Variants in GRIK2 observed in about 807,000 individuals in gnomAD.
GRIK2 encodes glutamate ionotropic receptor kainate type subunit 2.
GRIK2 carries 32 observed loss-of-function variants against 100.3 expected under a neutral mutation model. The observed-to-expected ratio is 0.32, with a 90% CI of 0.24 to 0.43. GRIK2 has a LOEUF of 0.43. Ranked by LOEUF, GRIK2 falls within the 20% of genes least tolerant of loss-of-function variation. The probability of loss-of-function intolerance (pLI) is 1.00; values close to 1 mark genes in which losing one functional copy is unlikely to be tolerated. For synonymous variants in GRIK2, 417 were observed against 389.4 expected (o/e 1.07, Z -0.83); for missense variants, 843 against 1,114.9 (o/e 0.76, Z 3.47).
chr6:102,040,954 G>A (rs1770533632), intron 15 of GRIK2, among the ~76,000 whole-genome samples: 1 of 151,532 alleles, frequency 6.6e-6, no homozygotes, highest in South Asian at 2.1e-4. Flanking sequence ...TTTAATATTT[G>A]AAGTGATTTT....
At chr6:101,959,734 T>A (rs983748348) in intron 14 of GRIK2, among the ~76,000 whole-genome samples, 1 of 152,150 alleles carries the variant, frequency 6.6e-6, no homozygotes, top group African/African-American at 2.4e-5. Flanking sequence ...GATGAAAATT[T>A]TGTTGAGAGT....
At position 101,514,200 on chromosome 6, in the gene GRIK2, G is replaced by T. The variant is rs114241467; in HGVS notation, c.116-107749G>T. 9.0e-3 allele frequency among the ~76,000 whole-genome samples: 1,363 copies of T among 152,022 alleles called. 27 individuals carry two copies. The highest frequency in any genetic ancestry group is 0.031 in the African/African-American group (1,305 of 41,454). On this transcript the variant is annotated intron_variant, in intron 2 of 16. Transcript: ENST00000369134. ...ACTGAATATCTGTATTTTTTAAAAA[G>T]AAAACTTTGATTCTTATATCATACC...
At chr6:101,576,713 A>G (rs1777805876) in intron 2 of GRIK2, among the ~76,000 whole-genome samples, 1 of 152,110 alleles carries the variant, frequency 6.6e-6, no homozygotes, top group Non-Finnish European at 1.5e-5. Flanking sequence ...CTATTTAAGA[A>G]AAATGGCATA....
At chr6:101,754,336 A>G (rs1470016028) in intron 7 of GRIK2, among the ~76,000 whole-genome samples, 1 of 152,240 alleles carries the variant, frequency 6.6e-6, no homozygotes, top group African/African-American at 2.4e-5. Context: ...ATGTTTGTGC[A>G]TAATTAGATT....
chr6:101,491,970 TTG>T (rs1773144044), intron 2 of GRIK2, among the ~76,000 whole-genome samples: 1 of 151,828 alleles, frequency 6.6e-6, no homozygotes, highest in African/African-American at 2.4e-5. Context: ...TGTGCAAAAA[TTG>T]TTTCTGTTAT....
intron 14 of GRIK2, among the ~76,000 whole-genome samples, chr6:101,952,636 T>A (rs1264195741): frequency 1.3e-5 from 2 of 151,624 alleles, no homozygotes; most frequent in Non-Finnish European, 1.5e-5. Flanking sequence ...GGAGTCTCGC[T>A]CCATCTCTCA....
chr6:101,399,204 C>A lies in GRIK2; in HGVS notation c.-74C>A. On this transcript the variant is annotated 5_prime_UTR_variant, in exon 2 of 17. Coordinates refer to ENST00000369134, the MANE Select transcript of GRIK2 (RefSeq NM_021956.5). ...CTGCGGTCACCACTCGACGCATCCT[C>A]ATTTCTACCCGAACCCAGGAGCCGA... The A allele has an allele frequency of 1.3e-6, 1 of 791,798 alleles. No individual in the cohort carries two copies. Among genetic ancestry groups the A allele is most frequent in the Non-Finnish European group, 2.3e-6 (1 of 433,500 alleles). 49.0% of individuals were successfully genotyped at this position (791,798 alleles called of 1,614,324 possible).
At chr6:101,584,310 T>C (rs1778247197) in intron 2 of GRIK2, among the ~76,000 whole-genome samples, 1 of 152,088 alleles carries the variant, frequency 6.6e-6, no homozygotes, top group Admixed American at 6.6e-5. Flanking sequence ...CAAATTATTT[T>C]ATGCATTAGT....
At chr6:101,840,582 A>G (rs912761236) in intron 10 of GRIK2, among the ~76,000 whole-genome samples, 7 of 152,344 alleles carry the variant, frequency 4.6e-5, no homozygotes, top group African/African-American at 1.7e-4. Flanking sequence ...GTGCTTTAAC[A>G]TAAAAATCCA....
intron 1 of GRIK2, among the ~76,000 whole-genome samples, chr6:101,396,011 T>C (rs573962964): frequency 6.6e-6 from 1 of 152,312 alleles, no homozygotes; most frequent in African/African-American, 2.4e-5. Context: ...GTTTTCTCTT[T>C]CCTTTAAGGA....
chr6:101,456,117 AT>A (rs200054905), intron 2 of GRIK2, among the ~76,000 whole-genome samples: 7,399 of 144,018 alleles, frequency 0.051, 189 homozygotes, highest in Admixed American at 0.085. Flanking sequence ...ATTGGGACAG[AT>A]TTTTTTTTTT....
chr6:101,887,678 G>C (rs1010641268), intron 11 of GRIK2, among the ~76,000 whole-genome samples: 1 of 152,070 alleles, frequency 6.6e-6, no homozygotes, highest in African/African-American at 2.4e-5. Context: ...CAATCCTGGC[G>C]GAAGGAGAGG....
chr6:101,511,105 T>A (rs560793377), intron 2 of GRIK2, among the ~76,000 whole-genome samples: 6 of 152,150 alleles, frequency 3.9e-5, no homozygotes, highest in Non-Finnish European at 7.4e-5. Context: ...ACCAGGTAAA[T>A]ATCTTTTGGA....
intron 2 of GRIK2, among the ~76,000 whole-genome samples, chr6:101,472,859 T>G (rs1216223030): frequency 6.6e-6 from 1 of 151,742 alleles, no homozygotes. Context: ...AGCAACAAAT[T>G]GTATTTATTT....
At chr6:101,626,706 T>C in intron 4 of GRIK2, 69 bp downstream of exon 4, 2 of 1,373,550 alleles carry the variant, frequency 1.5e-6, no homozygotes, top group Non-Finnish European at 2.0e-6. Flanking sequence ...CCATTCCAGG[T>C]TCTTATTGTA....
At chr6:101,527,873 T>A in intron 2 of GRIK2, among the ~76,000 whole-genome samples, 1 of 152,194 alleles carries the variant, frequency 6.6e-6, no homozygotes, top group South Asian at 2.1e-4. Context: ...TGATTTTGTT[T>A]TTTATTTTTC....
rs1348016382 is a variant in GRIK2 at position 101,600,593 on chromosome 6, GTTC to G, written c.116-21350_116-21348del. On this transcript the variant is annotated intron_variant, in intron 2 of 16. Transcript: ENST00000369134. ...TGGTTTCTTTACACAGTGTTTTGTA[GTTC>G]TTCTTGTAGAGAACTTTCACCCTGT... 3.5e-4 allele frequency among the ~76,000 whole-genome samples: 53 copies of G among 151,878 alleles called. 1 individual carries two copies. Among genetic ancestry groups the G allele is most frequent in the Admixed American group, 2.6e-4 (4 of 15,196 alleles).
chr6:101,663,846 C>A (rs189884214), intron 4 of GRIK2, among the ~76,000 whole-genome samples: 1 of 152,240 alleles, frequency 6.6e-6, no homozygotes, highest in Non-Finnish European at 1.5e-5. Flanking sequence ...CTTCAGTCAC[C>A]CACTGATGCC....
At chr6:101,507,986 T>G (rs573565826) in intron 2 of GRIK2, among the ~76,000 whole-genome samples, 13 of 152,298 alleles carry the variant, frequency 8.5e-5, no homozygotes, top group African/African-American at 3.1e-4. Context: ...TTCTGCCTGT[T>G]TGTCATTGTA....
Sources: allele counts gnomAD v4.1 joint callset (sites outside exome capture counted in the v4.1 genomes callset), GRCh38; gene constraint gnomAD v4.1.1; transcripts MANE v1.5; gene names NCBI Gene and HGNC (gene_info 2026-07-23, HGNC 2026-07-21).